The following SPMIP2 variants were observed in gnomAD, a reference collection of about 807,000 sequenced individuals.
SPMIP2 encodes sperm microtubule inner protein 2.
At chr4:159,082,456 T>TGA in the SPMIP2 span, among the ~76,000 whole-genome samples, 1 of 146,318 alleles carries the variant, frequency 6.8e-6, no homozygotes, top group Non-Finnish European at 1.5e-5. Flanking sequence ...TCTCTGTGTG[T>TGA]GTGTGTGTGT....
chr4:159,080,956 C>G, the SPMIP2 span, among the ~76,000 whole-genome samples: 4 of 152,092 alleles, frequency 2.6e-5, no homozygotes, highest in Non-Finnish European at 4.4e-5. Context: ...ATCTCCTAAC[C>G]TTGTGATCCG....
At chr4:158,984,184 A>G in the SPMIP2 span, among the ~76,000 whole-genome samples, 1 of 49,394 alleles carries the variant, frequency 2.0e-5, no homozygotes, top group Non-Finnish European at 4.4e-5. Flanking sequence ...AGACTCCCAC[A>G]CAATAATAAT....
the SPMIP2 span, among the ~76,000 whole-genome samples, chr4:159,072,637 G>GT: frequency 6.6e-6 from 1 of 151,380 alleles, no homozygotes; most frequent in South Asian, 2.1e-4. Context: ...TAATTTTTGT[G>GT]TTTTTTGTAG....
chr4:159,010,479 T>A, the SPMIP2 span, among the ~76,000 whole-genome samples: 5 of 152,194 alleles, frequency 3.3e-5, no homozygotes, highest in Admixed American at 3.3e-4. Flanking sequence ...CTCATTGAAA[T>A]AGCCCATGAG....
chr4:159,050,531 G>A, the SPMIP2 span, among the ~76,000 whole-genome samples: 4 of 152,120 alleles, frequency 2.6e-5, no homozygotes, highest in African/African-American at 9.7e-5. Context: ...AGCCAGGCAT[G>A]ATGGCTCACA....
chr4:158,908,116 T>C, the SPMIP2 span: 6 of 152,362 alleles, frequency 3.9e-5, no homozygotes, highest in Non-Finnish European at 8.8e-5. Flanking sequence ...TTTCTAATAA[T>C]TCGTGCTGAA....
At chr4:158,968,695 A>C in the SPMIP2 span, among the ~76,000 whole-genome samples, 3 of 152,228 alleles carry the variant, frequency 2.0e-5, no homozygotes, top group Non-Finnish European at 4.4e-5. Flanking sequence ...TCAGCTGTAA[A>C]ATCATCACAG....
the SPMIP2 span, among the ~76,000 whole-genome samples, chr4:158,949,620 T>C: frequency 4.0e-3 from 614 of 152,326 alleles, 3 homozygotes; most frequent in African/African-American, 0.014. Context: ...ATTTCTGACT[T>C]TTTATTCCTG....
the SPMIP2 span, among the ~76,000 whole-genome samples, chr4:158,927,694 G>T: frequency 6.6e-6 from 1 of 152,258 alleles, no homozygotes; most frequent in Non-Finnish European, 1.5e-5. Context: ...TTGCAGGGAG[G>T]TGTGGAGGGA....
At chr4:159,042,903 C>T in the SPMIP2 span, among the ~76,000 whole-genome samples, 7 of 152,048 alleles carry the variant, frequency 4.6e-5, no homozygotes, top group African/African-American at 9.7e-5. Context: ...GCTCAAGTGA[C>T]CCACTTGCCT....
chr4:159,074,724 A>G, the SPMIP2 span, among the ~76,000 whole-genome samples: 1 of 152,128 alleles, frequency 6.6e-6, no homozygotes, highest in Non-Finnish European at 1.5e-5. Flanking sequence ...TGACCAGAAG[A>G]AGGAGGATAT....
chr4:158,897,008 C>G, the SPMIP2 span, among the ~76,000 whole-genome samples: 1 of 151,870 alleles, frequency 6.6e-6, no homozygotes, highest in African/African-American at 2.4e-5. Flanking sequence ...CCCCCACCCG[C>G]CAAATAGGCC....
At chr4:159,013,119 C>T in the SPMIP2 span, among the ~76,000 whole-genome samples, 17 of 152,254 alleles carry the variant, frequency 1.1e-4, no homozygotes, top group African/African-American at 3.6e-4. Context: ...GAAATGGGAA[C>T]CCTGTATGTT....
chr4:159,078,973 C>A, the SPMIP2 span, among the ~76,000 whole-genome samples: 14 of 152,006 alleles, frequency 9.2e-5, no homozygotes, highest in Admixed American at 2.6e-4. Flanking sequence ...CAGAAATTAG[C>A]TGGGTGTGGT....
the SPMIP2 span, among the ~76,000 whole-genome samples, chr4:159,017,799 A>G: frequency 2.6e-5 from 4 of 152,200 alleles, no homozygotes; most frequent in Non-Finnish European, 5.9e-5. Flanking sequence ...AACAAGCAAG[A>G]GCTCAGAGCC....
At chr4:159,072,579 C>G in the SPMIP2 span, among the ~76,000 whole-genome samples, 1 of 150,620 alleles carries the variant, frequency 6.6e-6, no homozygotes, top group Non-Finnish European at 1.5e-5. Flanking sequence ...TCTCCTGCCT[C>G]AGCTCCCCGA....
At chr4:158,973,376 A>G in the SPMIP2 span, 1 of 1,049,348 alleles carries the variant, frequency 9.5e-7, no homozygotes, top group Non-Finnish European at 1.4e-6. Flanking sequence ...TTGTTATTTT[A>G]ACCGTTGAAA....
the SPMIP2 span, chr4:158,907,255 G>T: frequency 6.6e-6 from 1 of 152,142 alleles, no homozygotes; most frequent in Non-Finnish European, 1.5e-5. Context: ...TAATTCCAAA[G>T]TATTTTATTT....
the SPMIP2 span, among the ~76,000 whole-genome samples, chr4:158,939,327 A>T: frequency 2.0e-5 from 3 of 152,210 alleles, no homozygotes; most frequent in Non-Finnish European, 1.5e-5. Context: ...TAGTATAAAG[A>T]TCCATAGAAC....
Sources: allele counts gnomAD v4.1 joint callset (sites outside exome capture counted in the v4.1 genomes callset), GRCh38; gene constraint gnomAD v4.1.1; transcripts MANE v1.5; gene names NCBI Gene and HGNC (gene_info 2026-07-23, HGNC 2026-07-21).